RGS7: variants seen among roughly 807,000 people sequenced by gnomAD.
RGS7 encodes the protein regulator of G protein signaling 7, also known as regulator of G-protein signaling 7.
RGS7 carries 27 observed loss-of-function variants against 81.1 expected under a neutral mutation model. The ratio of observed to expected loss-of-function variants is 0.33; its 90% CI spans 0.25 to 0.46. RGS7 has a LOEUF of 0.46. Among genes scored for constraint, RGS7 ranks in the 20% least tolerant of loss-of-function variants. The pLI, the probability that RGS7 is intolerant of heterozygous loss-of-function variation, is 1.00. For synonymous variants in RGS7, 208 were observed against 207.7 expected (o/e 1.00, Z -0.01); for missense variants, 396 against 607.4 (o/e 0.65, Z 3.66).
intron 2 of RGS7, among the ~76,000 whole-genome samples, chr1:241,277,824 C>T (rs970977183): frequency 6.6e-6 from 1 of 152,164 alleles, no homozygotes; most frequent in Admixed American, 6.5e-5. Context: ...TGAGGCAAAA[C>T]CTACCAATAA....
intron 2 of RGS7, among the ~76,000 whole-genome samples, chr1:241,219,589 T>C (rs2074776691): frequency 6.6e-6 from 1 of 152,180 alleles, no homozygotes; most frequent in East Asian, 1.9e-4. Flanking sequence ...TTCAGGTATT[T>C]ACAGGTCACC....
At chr1:241,021,422 A>G (rs1190639978) in intron 3 of RGS7, among the ~76,000 whole-genome samples, 1 of 152,232 alleles carries the variant, frequency 6.6e-6, no homozygotes, top group African/African-American at 2.4e-5. Flanking sequence ...ATGTTTGGAC[A>G]TAACCCTTTG....
At chr1:241,226,962 C>T (rs763582595) in intron 2 of RGS7, among the ~76,000 whole-genome samples, 2 of 152,122 alleles carry the variant, frequency 1.3e-5, no homozygotes, top group African/African-American at 2.4e-5. Flanking sequence ...TTTTATGTTA[C>T]TTATTCGGAC....
intron 2 of RGS7, among the ~76,000 whole-genome samples, chr1:241,193,953 T>C (rs1298191910): frequency 6.6e-6 from 1 of 152,208 alleles, no homozygotes. Context: ...TGCTAGTTGA[T>C]ATGGAAGACA....
rs186650427 is a variant in RGS7 at position 241,294,160 on chromosome 1, A to C, written c.78+61539T>G. 1.8e-4 allele frequency among the ~76,000 whole-genome samples: 27 copies of C among 152,308 alleles called. No homozygotes were observed. The East Asian group carries it at 4.6e-3, about 26-fold the overall frequency. On this transcript the variant is annotated intron_variant, in intron 2 of 18. Transcript: ENST00000440928. ...TTGCTGGGACACGGATGAAGCTGGA[A>C]GCCATCATTCTCAGCAAACTACCAC... is the stretch of plus-strand genomic sequence containing the variant.
At chr1:240,824,762 C>T (rs1169693035) in intron 10 of RGS7, among the ~76,000 whole-genome samples, 1 of 152,118 alleles carries the variant, frequency 6.6e-6, no homozygotes, top group Non-Finnish European at 1.5e-5. Flanking sequence ...GGAGATCAGG[C>T]CTGTGAAGAG....
intron 2 of RGS7, among the ~76,000 whole-genome samples, chr1:241,142,101 T>G (rs555105140): frequency 5.4e-4 from 82 of 152,372 alleles, no homozygotes; most frequent in African/African-American, 1.9e-3. Context: ...TAGGTCATGC[T>G]GATGCAAGAC....
intron 2 of RGS7, among the ~76,000 whole-genome samples, chr1:241,322,607 C>G (rs2081276851): frequency 6.6e-6 from 1 of 152,212 alleles, no homozygotes; most frequent in Non-Finnish European, 1.5e-5. Flanking sequence ...TTATCTACTG[C>G]ATGTGTTGTC....
At chr1:240,889,754 A>G (rs2148136547) in intron 6 of RGS7, among the ~76,000 whole-genome samples, 1 of 152,226 alleles carries the variant, frequency 6.6e-6, no homozygotes, top group Non-Finnish European at 1.5e-5. Context: ...TTACTTATCT[A>G]ACTAGAGATC....
chr1:241,030,743 C>T (rs1200848619), intron 3 of RGS7, among the ~76,000 whole-genome samples: 2 of 152,058 alleles, frequency 1.3e-5, no homozygotes, highest in African/African-American at 4.8e-5. Flanking sequence ...TCCATTCTTC[C>T]TCCTCAAGCT....
At chr1:241,201,166 A>C (rs1368735363) in intron 2 of RGS7, among the ~76,000 whole-genome samples, 1 of 152,148 alleles carries the variant, frequency 6.6e-6, no homozygotes, top group Non-Finnish European at 1.5e-5. Flanking sequence ...ATCCTTTGAA[A>C]TGTCCCTTTG....
intron 2 of RGS7, among the ~76,000 whole-genome samples, chr1:241,233,483 G>T (rs1173969030): frequency 2.6e-5 from 4 of 152,098 alleles, no homozygotes; most frequent in African/African-American, 9.7e-5. Flanking sequence ...TGAAATCATG[G>T]GATATTTGTC....
chr1:240,921,313 T>C (rs1673496541), intron 6 of RGS7, among the ~76,000 whole-genome samples: 2 of 140,306 alleles, frequency 1.4e-5, no homozygotes, highest in South Asian at 4.7e-4. Flanking sequence ...AATCAATAAA[T>C]GATTTAATTC....
At chr1:241,092,235 G>C (rs2063933673) in intron 3 of RGS7, among the ~76,000 whole-genome samples, 1 of 152,142 alleles carries the variant, frequency 6.6e-6, no homozygotes, top group Non-Finnish European at 1.5e-5. Context: ...AAGGTAAATG[G>C]TATAGTTTAA....
chr1:241,011,555 G>A (rs1315142046), intron 3 of RGS7, among the ~76,000 whole-genome samples: 1 of 152,188 alleles, frequency 6.6e-6, no homozygotes, highest in African/African-American at 2.4e-5. Flanking sequence ...ATTCGAACCA[G>A]AGTGACTCCA....
chr1:241,294,690 G>A (rs112871720), intron 2 of RGS7, among the ~76,000 whole-genome samples: 284 of 152,262 alleles, frequency 1.9e-3, no homozygotes, highest in Non-Finnish European at 3.2e-3. Context: ...CTATATGGGT[G>A]TACCATTTTT....
At chr1:241,077,124 T>TTA (rs2062847927) in intron 3 of RGS7, among the ~76,000 whole-genome samples, 1 of 152,202 alleles carries the variant, frequency 6.6e-6, no homozygotes, top group African/African-American at 2.4e-5. Context: ...AATAATAATT[T>TTA]CACACATAAT....
intron 3 of RGS7, among the ~76,000 whole-genome samples, chr1:241,030,492 G>GTA (rs902069776): frequency 1.2e-5 from 1 of 81,200 alleles, no homozygotes; most frequent in Non-Finnish European, 2.6e-5. Context: ...GTATATAGAT[G>GTA]TACACACACA....
At chr1:241,055,364 G>T (rs528745720) in intron 3 of RGS7, among the ~76,000 whole-genome samples, 48 of 152,232 alleles carry the variant, frequency 3.2e-4, no homozygotes, top group African/African-American at 1.1e-3. Flanking sequence ...TTCTTCTTAG[G>T]TTTGATTAAC....
Sources: gnomAD v4.1 joint callset for allele counts (sites outside exome capture counted in the v4.1 genomes callset) on GRCh38, gnomAD v4.1.1 for gene constraint, MANE v1.5 for transcripts, NCBI Gene and HGNC (gene_info 2026-07-23, HGNC 2026-07-21) for gene names.